Variants in RGS10 observed in about 807,000 individuals in gnomAD.
The protein encoded by RGS10 is regulator of G protein signaling 10.
RGS10 carries 11 observed loss-of-function variants against 23.5 expected under a neutral mutation model. The ratio of observed to expected loss-of-function variants is 0.47; its 90% CI spans 0.29 to 0.77. The LOEUF is 0.77. Ranked by LOEUF, RGS10 falls within the 30% of genes least tolerant of loss-of-function variation. RGS10 has a pLI of 0.08. For missense variants in RGS10, 180 were observed against 226.3 expected (o/e 0.80, Z 1.31); for synonymous variants, 77 against 83.2 (o/e 0.92, Z 0.41).
chr10:119,509,944 G>T (rs1482304173), intron 4 of RGS10, among the ~76,000 whole-genome samples: 5 of 151,896 alleles, frequency 3.3e-5, no homozygotes, highest in South Asian at 4.2e-4. Context: ...GTGATGGGCA[G>T]GGGGAGAGGG....
intron 1 of RGS10, among the ~76,000 whole-genome samples, chr10:119,537,002 G>A (rs147341371): frequency 1.3e-3 from 196 of 152,286 alleles, no homozygotes; most frequent in African/African-American, 4.4e-3. Flanking sequence ...TGGCACTCAA[G>A]TATATATTTT....
intron 1 of RGS10, among the ~76,000 whole-genome samples, chr10:119,541,227 G>T (rs1844432411): frequency 1.3e-5 from 2 of 152,136 alleles, no homozygotes; most frequent in African/African-American, 4.8e-5. Context: ...CGCTCCACAG[G>T]CCTGTGCCAA....
chr10:119,521,401 T>A (rs908573747), intron 3 of RGS10, among the ~76,000 whole-genome samples: 2 of 151,568 alleles, frequency 1.3e-5, no homozygotes, highest in Non-Finnish European at 2.9e-5. Context: ...CGAAACCCCA[T>A]CTCTACTAAA....
At chr10:119,516,797 G>C (rs184728718) in intron 3 of RGS10, among the ~76,000 whole-genome samples, 1 of 152,090 alleles carries the variant, frequency 6.6e-6, no homozygotes, top group African/African-American at 2.4e-5. Flanking sequence ...GCCTCAGGGC[G>C]GGGCTGCAGG....
intron 4 of RGS10, among the ~76,000 whole-genome samples, chr10:119,506,516 G>C (rs936700612): frequency 6.6e-6 from 1 of 152,206 alleles, no homozygotes; most frequent in Non-Finnish European, 1.5e-5. Context: ...CGCGTGTGGC[G>C]GTCACACGTG....
Position 119,534,619 on chromosome 10 carries a change from G to A in RGS10, c.50-7195C>T, listed in dbSNP as rs1316433046. Among the ~76,000 whole-genome samples, 29 of 117,668 alleles carry A rather than the reference G, an allele frequency of 2.5e-4. No homozygotes were observed. In the South Asian group the frequency reaches 5.7e-3, roughly 23 times the overall value. 77.2% of individuals were successfully genotyped at this position (117,668 alleles called of 152,430 possible). On this transcript the variant is annotated intron_variant, in intron 1 of 4. Transcript: ENST00000369103. Reference sequence around the variant, plus strand: ...AAAAAAAAAAAAAAAAGGTTGGCGCGGTGGCTCACGCCTGTAATCCCAGCA... The same window carrying A: ...AAAAAAAAAAAAAAAAGGTTGGCGCAGTGGCTCACGCCTGTAATCCCAGCA...
chr10:119,520,341 G>A (rs1283821707), intron 3 of RGS10, among the ~76,000 whole-genome samples: 1 of 152,178 alleles, frequency 6.6e-6, no homozygotes, highest in Non-Finnish European at 1.5e-5. Flanking sequence ...AGGTGGGGAG[G>A]GGGTGCCAAC....
chr10:119,518,284 G>T (rs1844169217), intron 3 of RGS10, among the ~76,000 whole-genome samples: 1 of 152,202 alleles, frequency 6.6e-6, no homozygotes, highest in Admixed American at 6.5e-5. Context: ...GACCTGAAGT[G>T]TCCAGCATCT....
chr10:119,534,726 T>C (rs183411354), intron 1 of RGS10, among the ~76,000 whole-genome samples: 9 of 149,344 alleles, frequency 6.0e-5, no homozygotes, highest in African/African-American at 2.2e-4. Flanking sequence ...CCATCTATAC[T>C]AAAAATACAA....
chr10:119,515,729 C>T (rs1333653635), intron 3 of RGS10, 77 bp from the exon 4 acceptor site: 3 of 1,556,432 alleles, frequency 1.9e-6, no homozygotes, highest in Non-Finnish European at 2.6e-6. Context: ...CCCCTCCAGC[C>T]AGGCCCACAG....
intron 3 of RGS10, among the ~76,000 whole-genome samples, chr10:119,516,097 C>G (rs1844140068): frequency 6.6e-6 from 1 of 151,948 alleles, no homozygotes; most frequent in Non-Finnish European, 1.5e-5. Flanking sequence ...AGTAAAAAGA[C>G]AAAAATTAGC....
At chr10:119,535,180 A>T (rs1044156855) in intron 1 of RGS10, among the ~76,000 whole-genome samples, 5 of 151,664 alleles carry the variant, frequency 3.3e-5, no homozygotes, top group Non-Finnish European at 7.4e-5. Flanking sequence ...CTTTATACTC[A>T]CAGAGGCCAG....
At chr10:119,531,007 C>T (rs1480412689) in intron 1 of RGS10, among the ~76,000 whole-genome samples, 1 of 152,186 alleles carries the variant, frequency 6.6e-6, no homozygotes, top group African/African-American at 2.4e-5. Flanking sequence ...CCCTCCAGTT[C>T]GTGGATATTA....
At chr10:119,534,359 G>A (rs1483073583) in intron 1 of RGS10, among the ~76,000 whole-genome samples, 7 of 151,670 alleles carry the variant, frequency 4.6e-5, no homozygotes, top group Admixed American at 2.6e-4. Context: ...TTGGGAGGCC[G>A]AGGCAGGCGG....
rs748202813 is a variant in RGS10 at position 119,515,502 on chromosome 10, G to C, written c.399+7C>G. On this transcript the variant is annotated splice_region_variant and intron_variant, in intron 4 of 4. Coordinates refer to ENST00000369103, the MANE Select transcript of RGS10 (RefSeq NM_001005339.2). ...AAATCAAGGTGCAGGCAGGGAAGTCGGGTTACCTGGTCCTGGAGTTTCTGG... is the reference window on the plus strand; with the variant it reads ...AAATCAAGGTGCAGGCAGGGAAGTCCGGTTACCTGGTCCTGGAGTTTCTGG... The C allele has an allele frequency of 1.2e-6, 2 of 1,614,012 alleles. No individual in the cohort carries two copies. The highest frequency in any genetic ancestry group is 1.7e-6 in the Non-Finnish European group (2 of 1,179,952).
Position 119,524,996 on chromosome 10 carries a change from A to T in RGS10, c.255+1036T>A, listed in dbSNP as rs942914377. Reference sequence around the variant, plus strand: ...CCATAGATTCCAGCTTTTGGAGACGAGGCCTCAAAAACTGGCAACGCGCAA... The same window carrying T: ...CCATAGATTCCAGCTTTTGGAGACGTGGCCTCAAAAACTGGCAACGCGCAA... On this transcript the variant is annotated intron_variant, in intron 3 of 4. Transcript: ENST00000369103. This position sits in a 1 kb window ranked among gnomAD's most constrained non-coding sequence, Gnocchi z 5.2. 6.6e-6 allele frequency among the ~76,000 whole-genome samples: 1 copy of T among 152,056 alleles called. No individual in the cohort carries two copies. Among genetic ancestry groups the T allele is most frequent in the Non-Finnish European group, 1.5e-5 (1 of 68,042 alleles).
intron 3 of RGS10, among the ~76,000 whole-genome samples, chr10:119,522,833 G>A (rs985869641): frequency 6.6e-6 from 1 of 151,612 alleles, no homozygotes; most frequent in East Asian, 1.9e-4. Context: ...TTCCTAGGCA[G>A]CGGGACTCAC....
intron 4 of RGS10, among the ~76,000 whole-genome samples, chr10:119,514,340 G>A (rs1844115507): frequency 6.6e-6 from 1 of 151,580 alleles, no homozygotes; most frequent in Non-Finnish European, 1.5e-5. Flanking sequence ...CTGGGCAACA[G>A]AGTGAGACTT....
At chr10:119,526,570 G>C (rs1321796848) in intron 2 of RGS10, among the ~76,000 whole-genome samples, 3 of 152,100 alleles carry the variant, frequency 2.0e-5, no homozygotes, top group African/African-American at 7.2e-5. Flanking sequence ...TCTTATGGCC[G>C]ATCTTGGGCA....
Sources: gnomAD v4.1 joint callset for allele counts (sites outside exome capture counted in the v4.1 genomes callset) on GRCh38, gnomAD v4.1.1 for gene constraint, Gnocchi (gnomAD v3.1) non-coding constraint, MANE v1.5 for transcripts, NCBI Gene and HGNC (gene_info 2026-07-23, HGNC 2026-07-21) for gene names.